PLAA: variants seen among roughly 807,000 people sequenced by gnomAD.
PLAA encodes the protein phospholipase A-2-activating protein.
PLAA carries 48 observed loss-of-function variants against 84.1 expected under a neutral mutation model. The observed-to-expected ratio is 0.57, with a 90% CI of 0.45 to 0.73. The LOEUF (loss-of-function observed/expected upper bound fraction) is 0.73, where lower values mean the gene tolerates loss of function less well. PLAA is among the 30% of genes least tolerant of loss of function. The probability of loss-of-function intolerance (pLI) is 0.00; values close to 1 mark genes in which losing one functional copy is unlikely to be tolerated. For missense variants in PLAA, 903 were observed against 954.7 expected (o/e 0.95, Z 0.71); for synonymous variants, 392 against 336.6 (o/e 1.16, Z -1.80).
intron 1 of PLAA, among the ~76,000 whole-genome samples, chr9:26,945,835 C>T (rs1825680863): frequency 6.6e-6 from 1 of 152,256 alleles, no homozygotes; most frequent in South Asian, 2.1e-4. Context: ...CTCCATCCAT[C>T]TCATGCTTCA....
Position 26,925,975 on chromosome 9 carries a change from T to C in PLAA, c.734-15A>G, listed in dbSNP as rs541931169. On this transcript the variant is annotated splice_polypyrimidine_tract_variant and intron_variant, in intron 5 of 13. Transcript: ENST00000397292. ...TGTCACAAAGTCTAAAATTAATGAATATAGGAAGTATTAGTTTGAATAAAA... is the reference window on the plus strand; with the variant it reads ...TGTCACAAAGTCTAAAATTAATGAACATAGGAAGTATTAGTTTGAATAAAA... 1.6e-4 allele frequency: 258 copies of C among 1,599,732 alleles called. 2 individuals carry two copies. In the South Asian group the frequency reaches 2.5e-3, roughly 16 times the overall value.
chr9:26,941,542 G>C (rs1036927318), intron 1 of PLAA, among the ~76,000 whole-genome samples: 5 of 152,180 alleles, frequency 3.3e-5, no homozygotes, highest in African/African-American at 1.2e-4. Context: ...AAGATTACCA[G>C]ACATCTGGGG....
intron 1 of PLAA, among the ~76,000 whole-genome samples, chr9:26,936,176 A>G (rs2131415143): frequency 6.6e-6 from 1 of 152,288 alleles, no homozygotes; most frequent in Non-Finnish European, 1.5e-5. Flanking sequence ...CTTCCTTCCC[A>G]AATTCCACTA....
intron 2 of PLAA, 62 bp downstream of exon 2, chr9:26,934,951 A>T: frequency 8.1e-7 from 1 of 1,240,636 alleles, no homozygotes; most frequent in East Asian, 2.5e-5. Context: ...TGGATATGTA[A>T]ATTTTACTTT....
chr9:26,922,088 G>A (rs1365358844), intron 7 of PLAA, among the ~76,000 whole-genome samples: 1 of 152,116 alleles, frequency 6.6e-6, no homozygotes. Flanking sequence ...TGGTAGTTTA[G>A]CCTGCAACTC....
rs751185248 is a variant in PLAA at position 26,910,402 on chromosome 9, C to A, written c.1593G>T (p.Met531Ile). Residue 531 changes from methionine (M) to isoleucine (I), a missense_variant, in exon 12 of 14, where the codon ATG becomes ATT. Met to Ile is a conservative substitution (Grantham distance 10). Transcript: ENST00000397292. ...SAYRSAASKT[M>I]NIYFPKKEAV... is the part of the protein sequence containing the mutation. Reference sequence around the variant, plus strand: ...CCTCTTTTTTAGGGAAATAAATATTCATTGTTTTAGATGCAGCTGATCGGT... The same window carrying A: ...CCTCTTTTTTAGGGAAATAAATATTAATTGTTTTAGATGCAGCTGATCGGT... 3.7e-6 allele frequency: 6 copies of A among 1,613,214 alleles called. No homozygotes were observed.
chr9:26,946,027 T>C (rs1402602963), intron 1 of PLAA, among the ~76,000 whole-genome samples: 1 of 152,238 alleles, frequency 6.6e-6, no homozygotes, highest in Non-Finnish European at 1.5e-5. Flanking sequence ...TCTGTCTTTA[T>C]TCCTCTCCAG....
chr9:26,929,739 C>A (rs555333133), intron 2 of PLAA, among the ~76,000 whole-genome samples: 1 of 152,212 alleles, frequency 6.6e-6, no homozygotes, highest in East Asian at 1.9e-4. Context: ...ATTCCTTTTC[C>A]ATAATTGTAT....
rs1322970236 is a variant in PLAA at position 26,925,879 on chromosome 9, T to G, written c.815A>C (p.Gln272Pro). The G allele has an allele frequency of 1.2e-6, 2 of 1,613,788 alleles. No homozygotes were observed. The highest frequency in any genetic ancestry group is 1.7e-6 in the Non-Finnish European group (2 of 1,179,792). Residue 272 changes from glutamine to proline, a missense_variant, in exon 6 of 14, where the codon CAG (glutamine) becomes CCG (proline). By Grantham distance (76) the Gln-to-Pro change is moderately conservative. Transcript: ENST00000397292. ...GAGCACACAGCAGCACCATATAGAC[T>G]GAGCTGGAAGTCGGATAGTTTGAGC... ...ECAQTIRLPAQSIWCCCVLDN... is the reference protein window; with the variant it reads ...ECAQTIRLPAPSIWCCCVLDN...
At chr9:26,923,474 T>A in intron 6 of PLAA, 127 bp from the exon 7 acceptor site, 1 of 700,016 alleles carries the variant, frequency 1.4e-6, no homozygotes, top group South Asian at 2.0e-5. Context: ...TGTTATTAAT[T>A]GCTGATTACA....
At chr9:26,908,138 A>C in intron 12 of PLAA, 140 bp from the exon 13 acceptor site, 1 of 571,920 alleles carries the variant, frequency 1.7e-6, no homozygotes, top group Non-Finnish European at 3.0e-6. Flanking sequence ...CAAACACCAT[A>C]AAGTAAGGAT....
chr9:26,930,582 T>C (rs1225809063), intron 2 of PLAA, among the ~76,000 whole-genome samples: 1 of 76,790 alleles, frequency 1.3e-5, no homozygotes, highest in Non-Finnish European at 2.2e-5. Context: ...ATCACTGAGA[T>C]TTTTTTTTTT....
In PLAA at chr9:26,920,256, T is replaced by C. The variant is rs1197348750; in HGVS notation, c.1168A>G (p.Thr390Ala). The change falls in exon 8 of 14, where the codon ACA becomes GCA. Residue 390 changes from threonine to alanine, a missense_variant. Physicochemically the swap from Thr to Ala is moderately conservative, Grantham distance 58. Transcript: ENST00000397292. The stretch of plus-strand genomic sequence containing the variant: ...CCTTCATATAAAACTTTTCCAGATG[T>C]TTGCTGATTAGCACCAGATGAGCCA... ...VVGSSGANQQTSGKVLYEGKE... is the reference protein window; with the variant it reads ...VVGSSGANQQASGKVLYEGKE... 6.2e-7 allele frequency: 1 copy of C among 1,613,822 alleles called. No individual in the cohort carries two copies. The highest frequency in any genetic ancestry group is 8.5e-7 in the Non-Finnish European group (1 of 1,179,892).
At position 26,913,857 on chromosome 9, in the gene PLAA, AAAAG is replaced by A. The variant is rs777409088; in HGVS notation, c.1555+18_1555+21del. 14 of 1,519,028 alleles carry A rather than the reference AAAAG, an allele frequency of 9.2e-6. No homozygotes were observed. In the African/African-American group the frequency reaches 2.0e-4, roughly 21 times the overall value. 94.1% of individuals were successfully genotyped at this position (1,519,028 alleles called of 1,614,324 possible). On this transcript the variant is annotated intron_variant, in intron 11 of 13. Coordinates refer to ENST00000397292, the MANE Select transcript of PLAA (RefSeq NM_001031689.3). ...GAATTTTTAAAATCTAAAAAAAAGA[AAAAG>A]AAATAAAAAGTATGTACCTGTAAAT...
At position 26,931,761 on chromosome 9, in the gene PLAA, G is replaced by A. The variant is rs928857878; in HGVS notation, c.343+3252C>T. 3.9e-5 allele frequency among the ~76,000 whole-genome samples: 6 copies of A among 152,256 alleles called. No homozygotes were observed. In the East Asian group the frequency reaches 9.6e-4, roughly 24 times the overall value. On this transcript the variant is annotated intron_variant, in intron 2 of 13. Transcript: ENST00000397292. ...AAACTGACAGATTGAAAGATGTAGG[G>A]CTGGGCACGGTGGCTCATGCCTGTA...
chr9:26,927,770 G>C (rs746069528), intron 4 of PLAA, among the ~76,000 whole-genome samples: 1 of 152,140 alleles, frequency 6.6e-6, no homozygotes, highest in Non-Finnish European at 1.5e-5. Context: ...CTTATGTTTA[G>C]AAGTTTCAGG....
Position 26,907,983 on chromosome 9 carries a change from A to T in PLAA, c.1673T>A (p.Leu558His), listed in dbSNP as rs770496700. The change falls in exon 13 of 14, where the codon CTT becomes CAT. Residue 558 changes from leucine to histidine, a missense_variant. Leu to His is a moderately conservative substitution (Grantham distance 99). Coordinates refer to ENST00000397292, the MANE Select transcript of PLAA (RefSeq NM_001031689.3). ...PTQILGKLKELNGTAPEEKKL... is the reference protein window; with the variant it reads ...PTQILGKLKEHNGTAPEEKKL... ...CTTCTCTTCAGGTGCAGTTCCATTA[A>T]GTTCCTTCAGTTTACCTAGAACCCA... 5.0e-6 allele frequency: 8 copies of T among 1,585,656 alleles called. No homozygotes were observed. Among genetic ancestry groups the T allele is most frequent in the Non-Finnish European group, 6.8e-6 (8 of 1,171,726 alleles).
At chr9:26,933,639 A>G (rs1587182475) in intron 2 of PLAA, among the ~76,000 whole-genome samples, 1 of 151,140 alleles carries the variant, frequency 6.6e-6, no homozygotes, top group Non-Finnish European at 1.5e-5. Context: ...ATACAAAAAA[A>G]TTAGCCGGGC....
intron 6 of PLAA, 127 bp from the exon 7 acceptor site, chr9:26,923,474 TG>T (rs1364739794): frequency 1.9e-5 from 13 of 699,898 alleles, no homozygotes; most frequent in Non-Finnish European, 3.1e-5. Flanking sequence ...TGTTATTAAT[TG>T]CTGATTACAG....
Sources: allele counts gnomAD v4.1 joint callset (sites outside exome capture counted in the v4.1 genomes callset), GRCh38; gene constraint gnomAD v4.1.1; transcripts MANE v1.5; gene names NCBI Gene and HGNC (gene_info 2026-07-23, HGNC 2026-07-21).